The following RPS29 variants were observed in gnomAD, a reference collection of about 807,000 sequenced individuals.
RPS29 encodes the protein ribosomal protein S29.
For missense variants in RPS29, 60 were observed against 75.7 expected, an observed-to-expected ratio of 0.79 and a Z score of 0.77; for synonymous variants, 37 against 26.9, an observed-to-expected ratio of 1.37 and a Z score of -1.16.
upstream of RPS29, among the ~76,000 whole-genome samples, chr14:49,591,063 C>T (rs1016570089): frequency 1.3e-5 from 2 of 151,958 alleles, no homozygotes; most frequent in Admixed American, 6.6e-5. Flanking sequence ...TGTGTTTGTC[C>T]ATATCGATTT....
At chr14:49,598,133 C>G in intron 1 of RPS29, 1 of 429,258 alleles carries the variant, frequency 2.3e-6, no homozygotes, top group South Asian at 5.2e-5. Context: ...GGAAGTATAA[C>G]TCAGACACAA....
chr14:49,598,391 T>A (rs1179954228), intron 1 of RPS29: 1 of 681,556 alleles, frequency 1.5e-6, no homozygotes, highest in Non-Finnish European at 2.7e-6. Context: ...TCACACTCCA[T>A]CCACCTACCC....
At chr14:49,577,961 T>C (rs1881232319) in intron 2 of RPS29, 2 of 757,768 alleles carry the variant, frequency 2.6e-6, no homozygotes, top group Admixed American at 2.2e-5. Flanking sequence ...TATGTCACTA[T>C]CAGGATCTAG....
At chr14:49,594,923 C>G (rs1881787018) in intron 1 of RPS29, among the ~76,000 whole-genome samples, 1 of 152,178 alleles carries the variant, frequency 6.6e-6, no homozygotes, top group Non-Finnish European at 1.5e-5. Context: ...GTTCATTGAA[C>G]AGAACTCTTG....
chr14:49,587,338 A>C (rs1411151782), upstream of RPS29, among the ~76,000 whole-genome samples: 1 of 152,266 alleles, frequency 6.6e-6, no homozygotes, highest in African/African-American at 2.4e-5. Flanking sequence ...CAATGTCAAT[A>C]AACGAATTTC....
chr14:49,583,889 A>C (rs971482447), intron 2 of RPS29, among the ~76,000 whole-genome samples: 11 of 152,232 alleles, frequency 7.2e-5, no homozygotes, highest in African/African-American at 2.7e-4. Context: ...ACGCTATCGC[A>C]CTTCTTCCAT....
rs780663338 is a variant in RPS29 at position 49,583,641 on chromosome 14, C to T, written c.*26G>A. ...ATGGTTTTTCATTGAGTAGATGCCC[C>T]GGATAATCCTCTGAAGGAAGAGCAT... On this transcript the variant is annotated 3_prime_UTR_variant, in exon 3 of 3. Coordinates refer to ENST00000245458, the MANE Select transcript of RPS29 (RefSeq NM_001032.5). 14 of 1,577,774 alleles carry T rather than the reference C, an allele frequency of 8.9e-6. No homozygotes were observed. In the Admixed American group the frequency reaches 9.5e-5, roughly 11 times the overall value.
In RPS29 at chr14:49,586,329, C is replaced by A; in HGVS notation, c.18G>T (p.Leu6=). The A allele has an allele frequency of 1.2e-6, 2 of 1,613,960 alleles. No individual in the cohort carries two copies. Among genetic ancestry groups the A allele is most frequent in the Non-Finnish European group, 1.7e-6 (2 of 1,179,814 alleles). The change falls in exon 1 of 3, where the codon CTG becomes CTT. Residue 6 remains leucine, a synonymous_variant. Coordinates refer to ENST00000245458, the MANE Select transcript of RPS29 (RefSeq NM_001032.5). ...CGAATTTTCGCGGGTGGCTCCAGTA[C>A]AGCTGCTGGTGACCCATCTTGCTCT... MGHQQ[L]YWSHPRKFGQ...
At chr14:49,586,537 C>G (rs1000660892), upstream of RPS29, 4 of 614,328 alleles carry the variant, frequency 6.5e-6, no homozygotes, top group Non-Finnish European at 1.2e-5. Flanking sequence ...GATGACGTCA[C>G]CATACCACAG....
At chr14:49,585,136 G>A (rs1037635300) in intron 2 of RPS29, among the ~76,000 whole-genome samples, 2 of 152,080 alleles carry the variant, frequency 1.3e-5, no homozygotes, top group African/African-American at 2.4e-5. Context: ...TTGGGAGGCC[G>A]AAGCAGGCGG....
chr14:49,585,747 T>G, intron 2 of RPS29: 1 of 572,798 alleles, frequency 1.7e-6, no homozygotes, highest in Admixed American at 3.1e-5. Flanking sequence ...GACTAAGTCC[T>G]TCACCTTCTC....
intron 2 of RPS29, chr14:49,585,596 A>AAG (rs1566481836): frequency 1.7e-4 from 63 of 378,362 alleles, no homozygotes; most frequent in Non-Finnish European, 2.2e-4. Flanking sequence ...AAAAAAAAAA[A>AAG]AGAGAATAGG....
At chr14:49,571,600 G>T (rs1294850946) in exon 3 of RPS29, 1 of 152,102 alleles carries the variant, frequency 6.6e-6, no homozygotes. Context: ...AAGGGGTAGG[G>T]TGGAGATTTA....
In RPS29 at chr14:49,598,213, G is replaced by A. The variant is rs1225855130; in HGVS notation, c.-133+187C>T. ...GCGCCTAGAGCACAAATTTTAAGGA[G>A]GCAAGACCACGACCCCGACCGTGAG... On this transcript the variant is annotated intron_variant, in intron 1 of 3. Coordinates refer to the RPS29 transcript ENST00000556230. 8.8e-6 allele frequency: 5 copies of A among 569,848 alleles called. No individual in the cohort carries two copies. The Admixed American group carries it at 1.4e-4, about 16-fold the overall frequency. 35.3% of individuals were successfully genotyped at this position (569,848 alleles called of 1,614,324 possible).
At chr14:49,583,463 G>A (rs989261649), downstream of RPS29, 34 of 457,288 alleles carry the variant, frequency 7.4e-5, no homozygotes, top group East Asian at 2.5e-4. Context: ...CCGAGATCGC[G>A]CCACTGCACT....
rs1442048567 is a variant in RPS29 at position 49,583,601 on chromosome 14, A to G, written c.*66T>C. On this transcript the variant is annotated 3_prime_UTR_variant, in exon 3 of 3. Coordinates refer to ENST00000245458, the MANE Select transcript of RPS29 (RefSeq NM_001032.5). ...GGGTTTTTTCAAATGTTTATTTTAT[A>G]TACAAAGAATTATCATGGTTTTTCA... The G allele has an allele frequency of 6.4e-7, 1 of 1,552,596 alleles. No homozygotes were observed. The highest frequency in any genetic ancestry group is 1.4e-5 in the African/African-American group (1 of 71,886).
chr14:49,586,631 C>A, upstream of RPS29: 1 of 456,256 alleles, frequency 2.2e-6, no homozygotes. Flanking sequence ...GAGGCTGAGG[C>A]TGGAGGATCG....
At chr14:49,588,688 C>T (rs1477747084), upstream of RPS29, among the ~76,000 whole-genome samples, 3 of 151,246 alleles carry the variant, frequency 2.0e-5, no homozygotes, top group Non-Finnish European at 4.4e-5. Context: ...CCACCACACC[C>T]GTCTAATTTT....
At chr14:49,582,012 C>CCAAAAAAAAAAAAAAAAAAAAAAAAAAA (rs71115379), downstream of RPS29, among the ~76,000 whole-genome samples, 1 of 106,532 alleles carries the variant, frequency 9.4e-6, no homozygotes, top group African/African-American at 4.5e-5. Flanking sequence ...CCCTGCCCCC[C>CCAAAAAAAAAAAAAAAAAAAAAAAAAAA]AAAAAAAAAA....
Sources: gnomAD v4.1 joint callset for allele counts (sites outside exome capture counted in the v4.1 genomes callset) on GRCh38, gnomAD v4.1.1 for gene constraint, MANE v1.5 for transcripts, NCBI Gene and HGNC (gene_info 2026-07-23, HGNC 2026-07-21) for gene names.